The following PAM variants were observed in gnomAD, a reference collection of about 807,000 sequenced individuals.
PAM encodes the protein peptidyl-glycine alpha-amidating monooxygenase.
PAM carries 72 observed loss-of-function variants against 122.1 expected under a neutral mutation model. That is an observed-to-expected ratio of 0.59 (90% CI 0.49 to 0.72). The LOEUF is 0.72. PAM is among the 30% of genes least tolerant of loss of function. The pLI is 0.00. For synonymous variants in PAM, 389 were observed against 404.4 expected (o/e 0.96, Z 0.46); for missense variants, 1,106 against 1,183.7 (o/e 0.93, Z 0.96).
chr5:103,025,480 A>G (rs1052313298), intron 24 of PAM, 146 bp downstream of exon 24: 2 of 698,494 alleles, frequency 2.9e-6, no homozygotes, highest in Admixed American at 2.2e-5. Context: ...ATTATTGTCT[A>G]TGTTCCAAAT....
chr5:102,964,226 T>G (rs1009862585), intron 14 of PAM, among the ~76,000 whole-genome samples: 2 of 151,940 alleles, frequency 1.3e-5, no homozygotes, highest in African/African-American at 4.8e-5. Flanking sequence ...AATTTGTATC[T>G]CAAAAATTGC....
At chr5:103,016,286 A>C (rs1046906060) in intron 21 of PAM, among the ~76,000 whole-genome samples, 1 of 152,198 alleles carries the variant, frequency 6.6e-6, no homozygotes, top group Admixed American at 6.5e-5. Flanking sequence ...GCCCCGCCTA[A>C]ACTGAGCTAG....
At chr5:102,793,030 G>A (rs1762453393) in intron 1 of PAM, among the ~76,000 whole-genome samples, 1 of 151,916 alleles carries the variant, frequency 6.6e-6, no homozygotes, top group South Asian at 2.1e-4. Context: ...ATGAATCTTG[G>A]GCCTCATAGG....
At chr5:102,857,599 G>A (rs186042642) in intron 1 of PAM, among the ~76,000 whole-genome samples, 5 of 152,256 alleles carry the variant, frequency 3.3e-5, no homozygotes, top group East Asian at 1.9e-4. Flanking sequence ...GACTAGGTGC[G>A]TAGTTAAGAG....
chr5:102,852,578 GT>G (rs901656318), intron 1 of PAM, among the ~76,000 whole-genome samples: 2 of 151,956 alleles, frequency 1.3e-5, no homozygotes, highest in Non-Finnish European at 2.9e-5. Flanking sequence ...GATCAAAGAA[GT>G]TTTTTTAATT....
chr5:102,970,786 T>A (rs150669367), intron 14 of PAM, among the ~76,000 whole-genome samples: 1 of 54,090 alleles, frequency 1.8e-5, no homozygotes, highest in East Asian at 7.1e-4. Context: ...CTAAAAGGGC[T>A]TTTTTTTTAA....
chr5:103,024,310 G>C (rs1397491355), intron 23 of PAM, among the ~76,000 whole-genome samples: 1 of 152,080 alleles, frequency 6.6e-6, no homozygotes, highest in African/African-American at 2.4e-5. Context: ...AGCTTATATA[G>C]TTTCATTGCA....
intron 1 of PAM, among the ~76,000 whole-genome samples, chr5:102,775,377 C>T (rs978520095): frequency 2.1e-5 from 3 of 143,758 alleles, no homozygotes; most frequent in South Asian, 4.4e-4. Context: ...ATGTGCAGGA[C>T]GTGCAGGTTT....
At chr5:102,902,081 G>C (rs573952163) in intron 4 of PAM, among the ~76,000 whole-genome samples, 55 of 151,716 alleles carry the variant, frequency 3.6e-4, no homozygotes, top group Non-Finnish European at 7.4e-5. Context: ...GTTTAGGGAA[G>C]AGCTGTGATT....
At chr5:102,888,375 T>G (rs567176495) in intron 3 of PAM, among the ~76,000 whole-genome samples, 1 of 152,080 alleles carries the variant, frequency 6.6e-6, no homozygotes, top group Non-Finnish European at 1.5e-5. Flanking sequence ...ACCTATAATT[T>G]CATGCCCCAT....
chr5:102,868,838 A>G (rs1261651189), intron 3 of PAM, among the ~76,000 whole-genome samples: 1 of 152,236 alleles, frequency 6.6e-6, no homozygotes, highest in Non-Finnish European at 1.5e-5. Flanking sequence ...AACAATAATA[A>G]TGGGCAACTG....
intron 1 of PAM, 147 bp from the exon 2 acceptor site, chr5:102,865,676 G>C (rs756613246): frequency 1.3e-5 from 2 of 152,580 alleles, no homozygotes; most frequent in African/African-American, 4.8e-5. Context: ...CTGGCTGTGG[G>C]GGAGGGAGCT....
At chr5:102,954,483 A>C (rs189591423) in intron 12 of PAM, among the ~76,000 whole-genome samples, 52 of 151,724 alleles carry the variant, frequency 3.4e-4, no homozygotes, top group African/African-American at 1.1e-3. Context: ...AATATGAGAT[A>C]TATTAATAAA....
At chr5:103,011,366 A>G (rs895128449) in intron 21 of PAM, among the ~76,000 whole-genome samples, 2 of 144,860 alleles carry the variant, frequency 1.4e-5, no homozygotes, top group African/African-American at 5.2e-5. Context: ...ACACACACAC[A>G]CAAACACACA....
chr5:102,758,041 CAAAAAA>C (rs3072349), intron 1 of PAM, among the ~76,000 whole-genome samples: 2 of 94,646 alleles, frequency 2.1e-5, no homozygotes, highest in Non-Finnish European at 4.4e-5. Flanking sequence ...GGCCCTGTCT[CAAAAAA>C]AAAAAAAAAA....
intron 1 of PAM, among the ~76,000 whole-genome samples, chr5:102,837,182 C>T (rs1352205332): frequency 1.3e-5 from 2 of 152,144 alleles, no homozygotes; most frequent in African/African-American, 2.4e-5. Flanking sequence ...ATTAAGAATA[C>T]AGTAATTATA....
At chr5:102,832,523 T>C (rs780027595) in intron 1 of PAM, among the ~76,000 whole-genome samples, 3 of 152,098 alleles carry the variant, frequency 2.0e-5, no homozygotes, top group Non-Finnish European at 4.4e-5. Context: ...ATTGGGACTG[T>C]ATAAGATTAA....
At chr5:102,893,164 C>CT (rs1486125769) in intron 3 of PAM, among the ~76,000 whole-genome samples, 1 of 151,712 alleles carries the variant, frequency 6.6e-6, no homozygotes, top group Admixed American at 6.6e-5. Flanking sequence ...AAAGGGAGGT[C>CT]TTACATGAAT....
In PAM at chr5:102,941,901, C is replaced by T. The variant is rs190635483; in HGVS notation, c.527-4936C>T. ...TCATTAAAACCAGAGTTTCATTCAA[C>T]GTCTCTAATAGAGCCCAGAGTGAAC... On this transcript the variant is annotated intron_variant, in intron 7 of 25. Transcript: ENST00000438793. Among the ~76,000 whole-genome samples, 239 of 141,742 alleles carry T rather than the reference C, an allele frequency of 1.7e-3. 1 individual carries two copies. Among genetic ancestry groups the T allele is most frequent in the African/African-American group, 5.7e-3 (221 of 38,444 alleles). The allele number at this position is 141,742 out of a possible 152,430, so 93.0% of individuals were successfully genotyped here. A position where few individuals can be genotyped will look rare whatever the true frequency, so the allele number is the denominator to read the frequency against.
Sources: gnomAD v4.1 joint callset for allele counts (sites outside exome capture counted in the v4.1 genomes callset) on GRCh38, gnomAD v4.1.1 for gene constraint, MANE v1.5 for transcripts, NCBI Gene and HGNC (gene_info 2026-07-23, HGNC 2026-07-21) for gene names.